The following FOXN2 variants were observed in gnomAD, a reference collection of about 807,000 sequenced individuals.
FOXN2 encodes forkhead box protein N2.
In FOXN2, 19 loss-of-function variants were observed where a neutral mutation model predicts 41.2. The observed-to-expected ratio is 0.46, with a 90% CI of 0.32 to 0.68. The LOEUF (loss-of-function observed/expected upper bound fraction) is 0.68. Ranked by LOEUF, FOXN2 falls within the 30% of genes least tolerant of loss-of-function variation. FOXN2 has a pLI of 0.03. For synonymous variants in FOXN2, 195 were observed against 176.8 expected (o/e 1.10, Z -0.82); for missense variants, 587 against 509.4 (o/e 1.15, Z -1.47).
intron 5 of FOXN2, among the ~76,000 whole-genome samples, chr2:48,365,442 C>T (rs1672471064): frequency 6.6e-6 from 1 of 152,138 alleles, no homozygotes; most frequent in Non-Finnish European, 1.5e-5. Flanking sequence ...AAGCTCAGTT[C>T]GTATACATAT....
chr2:48,317,284 A>T (rs991208667), intron 1 of FOXN2, among the ~76,000 whole-genome samples: 4 of 151,968 alleles, frequency 2.6e-5, no homozygotes, highest in African/African-American at 9.7e-5. Context: ...CCCCATCTCT[A>T]CCAAAAATAC....
At chr2:48,327,611 A>G (rs1669761865) in intron 1 of FOXN2, among the ~76,000 whole-genome samples, 1 of 151,944 alleles carries the variant, frequency 6.6e-6, no homozygotes, top group South Asian at 2.1e-4. Flanking sequence ...ACGCCCAGCT[A>G]ATTTTGTATT....
chr2:48,315,943 C>G (rs925519642), intron 1 of FOXN2, among the ~76,000 whole-genome samples: 1 of 152,166 alleles, frequency 6.6e-6, no homozygotes, highest in African/African-American at 2.4e-5. Flanking sequence ...ACCCCAACTC[C>G]GAGGTGAGGG....
intron 1 of FOXN2, among the ~76,000 whole-genome samples, chr2:48,324,077 C>T (rs969626089): frequency 3.3e-5 from 5 of 152,052 alleles, no homozygotes; most frequent in Non-Finnish European, 5.9e-5. Context: ...TGTCATATGT[C>T]ATCAACTATC....
chr2:48,344,702 T>A (rs1670982362), intron 2 of FOXN2, among the ~76,000 whole-genome samples: 1 of 152,206 alleles, frequency 6.6e-6, no homozygotes, highest in African/African-American at 2.4e-5. Context: ...AGAATCCAGA[T>A]AAACTGTTCT....
chr2:48,343,113 C>T (rs1457085792), intron 2 of FOXN2, among the ~76,000 whole-genome samples: 4 of 152,138 alleles, frequency 2.6e-5, no homozygotes, highest in African/African-American at 4.8e-5. Flanking sequence ...GTTTCTTGAG[C>T]GATTGAGAGT....
chr2:48,334,035 GATATGGAAGTAAGGT>G (rs1353195990), intron 2 of FOXN2, among the ~76,000 whole-genome samples: 1 of 152,054 alleles, frequency 6.6e-6, no homozygotes, highest in Non-Finnish European at 1.5e-5. Flanking sequence ...TGAGGACTAA[GATATGGAAGTAAGGT>G]TTTTTTGGTA....
intron 1 of FOXN2, among the ~76,000 whole-genome samples, chr2:48,317,538 A>G (rs977199770): frequency 1.4e-5 from 2 of 147,644 alleles, no homozygotes; most frequent in African/African-American, 5.0e-5. Flanking sequence ...GTTTGGTCAC[A>G]TGTGACTTCA....
intron 1 of FOXN2, among the ~76,000 whole-genome samples, chr2:48,315,807 G>T (rs1668873649): frequency 6.6e-6 from 1 of 152,170 alleles, no homozygotes; most frequent in Non-Finnish European, 1.5e-5. Context: ...CCACACTCTC[G>T]CAGTGTTCTT....
rs1005560607 is a variant in FOXN2, at chr2:48,346,344, G to C, written c.130G>C (p.Ala44Pro). Reference sequence around the variant, plus strand: ...AGCTGTTGATGCTGCCAGGCCGAAGGCCACTCTAGTGGACAGTGAGTCAGC... The same window carrying C: ...AGCTGTTGATGCTGCCAGGCCGAAGCCCACTCTAGTGGACAGTGAGTCAGC... ...PEAVDAARPKATLVDSESADD... is the reference protein window; with the variant it reads ...PEAVDAARPKPTLVDSESADD... The change falls in exon 3 of 7, where the codon GCC becomes CCC. Residue 44 changes from alanine (A) to proline (P), a missense_variant. Ala to Pro is a conservative substitution (Grantham distance 27, BLOSUM62 -1). Transcript: ENST00000340553. The C allele has an allele frequency of 1.2e-6, 2 of 1,614,106 alleles. No homozygotes were observed. The highest frequency in any genetic ancestry group is 1.3e-5 in the African/African-American group (1 of 74,938).
chr2:48,327,508 C>T (rs1167146768), intron 1 of FOXN2, among the ~76,000 whole-genome samples: 2 of 151,926 alleles, frequency 1.3e-5, no homozygotes, highest in African/African-American at 2.4e-5. Context: ...TGCAATGGCA[C>T]GATCTTGGCT....
chr2:48,359,043 C>G lies in FOXN2; in HGVS notation c.538-4C>G. 1 of 1,608,040 alleles carries G rather than the reference C, an allele frequency of 6.2e-7. No individual in the cohort carries two copies. The highest frequency in any genetic ancestry group is 8.5e-7 in the Non-Finnish European group (1 of 1,175,984). On this transcript the variant is annotated splice_region_variant and splice_polypyrimidine_tract_variant and intron_variant, in intron 3 of 6. Transcript: ENST00000340553. ...CCTAGTTATTCTTGTGCATTTTATT[C>G]TAGGTTAATGGAAAAGGTTCCTTAT...
At chr2:48,330,524 G>T (rs1669960349) in intron 2 of FOXN2, among the ~76,000 whole-genome samples, 1 of 152,056 alleles carries the variant, frequency 6.6e-6, no homozygotes, top group African/African-American at 2.4e-5. Flanking sequence ...CTTTACTAGG[G>T]TTATCTTAGC....
chr2:48,368,402 C>T lies in FOXN2; in HGVS notation c.704-4890C>T, dbSNP rs866779048. ...ATTTCATAGCAAAATTGGCTGAACG[C>T]GGTGGTTCATGCTCGTAATCCCAGC... On this transcript the variant is annotated intron_variant, in intron 5 of 6. Coordinates refer to ENST00000340553, the MANE Select transcript of FOXN2 (RefSeq NM_002158.4). Among the ~76,000 whole-genome samples the T allele has an allele frequency of 5.3e-5, 8 of 152,038 alleles. No homozygotes were observed. The Middle Eastern group carries it at 0.01, about 194-fold the overall frequency.
At chr2:48,351,644 C>T (rs1021946323) in intron 3 of FOXN2, among the ~76,000 whole-genome samples, 3 of 152,088 alleles carry the variant, frequency 2.0e-5, no homozygotes, top group East Asian at 3.9e-4. Flanking sequence ...CCCTCACATG[C>T]ACAGTTCACA....
At position 48,375,299 on chromosome 2, in the gene FOXN2, G is replaced by T. The variant is rs996793687; in HGVS notation, c.1152G>T (p.Lys384Asn). The change falls in exon 7 of 7, where the codon AAG (lysine) becomes AAT (asparagine). Residue 384 changes from lysine (K) to asparagine (N), a missense_variant. Lys to Asn is a moderately conservative substitution (Grantham distance 94, BLOSUM62 0). Coordinates refer to ENST00000340553, the MANE Select transcript of FOXN2 (RefSeq NM_002158.4). Reference protein sequence around the residue: ...KISEKGQSGKKMRKQTCQEID... With the variant: ...KISEKGQSGKNMRKQTCQEID... ...CTGAAAAAGGGCAGTCAGGCAAAAA[G>T]ATGCGAAAACAGACATGTCAAGAAA... 22 of 1,613,842 alleles carry T rather than the reference G, an allele frequency of 1.4e-5. No individual in the cohort carries two copies. Among genetic ancestry groups the T allele is most frequent in the Non-Finnish European group, 1.8e-5 (21 of 1,179,974 alleles).
intron 1 of FOXN2, among the ~76,000 whole-genome samples, chr2:48,317,227 T>A (rs1232763419): frequency 6.6e-6 from 1 of 152,002 alleles, no homozygotes; most frequent in East Asian, 1.9e-4. Flanking sequence ...GGTGGGAGGA[T>A]CACCTGAGGT....
Position 48,374,919 on chromosome 2 carries a change from G to A in FOXN2, c.773-1G>A. ...ATTGATGGAACTTTTATTTTCCACA[G>A]GTGAGAAGCCTCTTCCTCTTAAAAC... is the stretch of plus-strand genomic sequence containing the variant. On this transcript the variant is annotated splice_acceptor_variant, in intron 6 of 6. Coordinates refer to ENST00000340553, the MANE Select transcript of FOXN2 (RefSeq NM_002158.4). LOFTEE classifies it high-confidence loss of function. The A allele has an allele frequency of 6.2e-7, 1 of 1,604,334 alleles. No individual in the cohort carries two copies. Among genetic ancestry groups the A allele is most frequent in the Non-Finnish European group, 8.5e-7 (1 of 1,173,960 alleles).
intron 2 of FOXN2, among the ~76,000 whole-genome samples, chr2:48,342,680 G>C (rs1323776755): frequency 6.6e-6 from 1 of 152,112 alleles, no homozygotes; most frequent in Non-Finnish European, 1.5e-5. Flanking sequence ...CAAATGGATA[G>C]TGCTCTGTCT....
Sources: allele counts gnomAD v4.1 joint callset (sites outside exome capture counted in the v4.1 genomes callset), GRCh38; gene constraint gnomAD v4.1.1; transcripts MANE v1.5; gene names NCBI Gene and HGNC (gene_info 2026-07-23, HGNC 2026-07-21).